Variants in CLIC2 observed in about 807,000 individuals in gnomAD.
The protein encoded by CLIC2 is CLIC family member 2.
Under a neutral mutation model 14.8 loss-of-function variants are expected in CLIC2, and 9 were observed. The ratio of observed to expected loss-of-function variants is 0.61; its 90% CI spans 0.37 to 1.06. The LOEUF (loss-of-function observed/expected upper bound fraction) is 1.06. Among genes scored for constraint, CLIC2 ranks in the 50% least tolerant of loss-of-function variants. The probability of loss-of-function intolerance (pLI) is 0.01; values close to 1 mark genes in which losing one functional copy is unlikely to be tolerated. For missense variants in CLIC2, 148 were observed against 181.4 expected (o/e 0.82, Z 1.06); for synonymous variants, 61 against 66.3 (o/e 0.92, Z 0.39).
chrX:155,323,305 C>T (rs2075123986), intron 1 of CLIC2, among the ~76,000 whole-genome samples: 1 of 111,920 alleles, frequency 8.9e-6, no homozygotes, highest in Non-Finnish European at 1.9e-5. Flanking sequence ...AAACTGAATC[C>T]AGCAGCACAT....
At chrX:155,298,974 A>G (rs1416823813) in intron 2 of CLIC2, 62 bp downstream of exon 2, 15 of 1,166,338 alleles carry the variant, frequency 1.3e-5, no homozygotes, top group Non-Finnish European at 1.8e-5. Context: ...ATAAACACCA[A>G]TATTTTATTG....
chrX:155,284,799 C>T (rs1569561204), intron 3 of CLIC2, among the ~76,000 whole-genome samples: 1 of 111,956 alleles, frequency 8.9e-6, no homozygotes, highest in Non-Finnish European at 1.9e-5. Context: ...AGGTCAATAT[C>T]GCTTCCTCTG....
chrX:155,304,778 T>G (rs1340615191), intron 1 of CLIC2, among the ~76,000 whole-genome samples: 1 of 76,793 alleles, frequency 1.3e-5, no homozygotes, highest in East Asian at 4.5e-4. Flanking sequence ...TCATTTCTGT[T>G]TGTTAGTTTT....
At chrX:155,322,736 A>C (rs1281185184) in intron 1 of CLIC2, among the ~76,000 whole-genome samples, 2 of 111,731 alleles carry the variant, frequency 1.8e-5, no homozygotes, top group Non-Finnish European at 3.8e-5. Flanking sequence ...AGACACGAAA[A>C]ATCCTTCAAA....
chrX:155,307,015 C>A (rs1277124121), intron 1 of CLIC2, among the ~76,000 whole-genome samples: 2 of 111,490 alleles, frequency 1.8e-5, no homozygotes, highest in Non-Finnish European at 3.8e-5. Context: ...TATTGGTGGA[C>A]CCTCTTTCTT....
chrX:155,297,860 C>CAAAAAAAAAA (rs200891873), intron 3 of CLIC2, among the ~76,000 whole-genome samples: 5 of 5,124 alleles, frequency 9.8e-4, no homozygotes, highest in African/African-American at 1.3e-3. Context: ...ACTCCGGTCT[C>CAAAAAAAAAA]AAAAAAAAAA....
chrX:155,301,407 G>A (rs1322552981), intron 1 of CLIC2, among the ~76,000 whole-genome samples: 2 of 111,073 alleles, frequency 1.8e-5, no homozygotes, highest in Non-Finnish European at 3.8e-5. Context: ...AAGAATGCCT[G>A]TGATTTTTGC....
At chrX:155,291,484 G>A in intron 3 of CLIC2, 1 of 371,745 alleles carries the variant, frequency 2.7e-6, no homozygotes, top group Non-Finnish European at 4.9e-6. Flanking sequence ...GACTTTCTAT[G>A]TTCCTATTTA....
At chrX:155,304,597 C>T (rs1341186980) in intron 1 of CLIC2, among the ~76,000 whole-genome samples, 1 of 102,154 alleles carries the variant, frequency 9.8e-6, no homozygotes, top group Admixed American at 1.1e-4. Context: ...AGTCATTCTC[C>T]ATCCAGCTTT....
At chrX:155,279,359 G>A (rs782182157) in intron 4 of CLIC2, 29 bp from the exon 5 acceptor site, 1 of 1,085,776 alleles carries the variant, frequency 9.2e-7, no homozygotes, top group African/African-American at 1.8e-5. Flanking sequence ...AGAGTTACTT[G>A]TAAATGTATT....
At chrX:155,298,412 C>T (rs782059622) in intron 3 of CLIC2, among the ~76,000 whole-genome samples, 58 of 111,346 alleles carry the variant, frequency 5.2e-4, no homozygotes, top group African/African-American at 1.8e-3. Context: ...CACTAGCCCT[C>T]GTGTTGGGTA....
intron 1 of CLIC2, among the ~76,000 whole-genome samples, chrX:155,301,856 GCT>G (rs1314243358): frequency 1.6e-5 from 1 of 64,363 alleles, no homozygotes; most frequent in Non-Finnish European, 2.9e-5. Flanking sequence ...TTTGTCTTTG[GCT>G]CTGTTTATAT....
chrX:155,282,343 A>G (rs1557316605), intron 3 of CLIC2, among the ~76,000 whole-genome samples: 1 of 111,683 alleles, frequency 9.0e-6, no homozygotes, highest in Admixed American at 9.5e-5. Context: ...GACAGTTTTA[A>G]ATTACCTGTG....
At chrX:155,323,045 T>C (rs1569561389) in intron 1 of CLIC2, among the ~76,000 whole-genome samples, 1 of 112,153 alleles carries the variant, frequency 8.9e-6, no homozygotes, top group Non-Finnish European at 1.9e-5. Flanking sequence ...ATTAACAGTT[T>C]ACCAACCAAA....
At chrX:155,299,704 C>A (rs1373319114) in intron 1 of CLIC2, among the ~76,000 whole-genome samples, 1 of 104,120 alleles carries the variant, frequency 9.6e-6, no homozygotes, top group Non-Finnish European at 2.0e-5. Flanking sequence ...TTAGGTATAT[C>A]TCCTGATGTT....
At chrX:155,315,710 A>C (rs782298846) in intron 1 of CLIC2, among the ~76,000 whole-genome samples, 48 of 111,454 alleles carry the variant, frequency 4.3e-4, no homozygotes, top group African/African-American at 1.3e-3. Flanking sequence ...TGAAAAAAAA[A>C]CCAAGGTATT....
chrX:155,291,973 C>T (rs7060580), intron 3 of CLIC2, among the ~76,000 whole-genome samples: 5,200 of 111,985 alleles, frequency 0.046, 287 homozygotes, highest in African/African-American at 0.16. Flanking sequence ...CAGCCACCCC[C>T]GGAGCGCAGT....
chrX:155,330,867 T>G (rs1473713159), intron 1 of CLIC2, among the ~76,000 whole-genome samples: 1 of 109,750 alleles, frequency 9.1e-6, no homozygotes, highest in African/African-American at 3.3e-5. Flanking sequence ...CCAAGAATTA[T>G]GATAGGAAAG....
At chrX:155,300,343 T>C (rs1207409026) in intron 1 of CLIC2, among the ~76,000 whole-genome samples, 1 of 110,382 alleles carries the variant, frequency 9.1e-6, no homozygotes, top group Non-Finnish European at 1.9e-5. Flanking sequence ...ATGAGCATTT[T>C]TTCATGTGTT....
Sources: gnomAD v4.1 joint callset for allele counts (sites outside exome capture counted in the v4.1 genomes callset) on GRCh38, gnomAD v4.1.1 for gene constraint, MANE v1.5 for transcripts, NCBI Gene and HGNC (gene_info 2026-07-23, HGNC 2026-07-21) for gene names.